The following DENND1A variants were observed in gnomAD, a reference collection of about 807,000 sequenced individuals.
DENND1A encodes DENN domain containing 1A.
In DENND1A, 51 loss-of-function variants were observed where a neutral mutation model predicts 113.7. The ratio of observed to expected loss-of-function variants is 0.45; its 90% CI spans 0.36 to 0.57. The LOEUF is 0.57. DENND1A is among the 20% of genes least tolerant of loss of function. The pLI, the probability that DENND1A is intolerant of heterozygous loss-of-function variation, is 0.00. For synonymous variants in DENND1A, 565 were observed against 570.8 expected (o/e 0.99, Z 0.14); for missense variants, 1,258 against 1,395.9 (o/e 0.90, Z 1.57).
intron 13 of DENND1A, among the ~76,000 whole-genome samples, chr9:123,467,878 C>T (rs1006541177): frequency 4.6e-5 from 7 of 152,184 alleles, no homozygotes; most frequent in Admixed American, 1.3e-4. Context: ...CTCACTCACA[C>T]ACACATCTCC....
intron 3 of DENND1A, among the ~76,000 whole-genome samples, chr9:123,773,572 AG>A (rs1397697628): frequency 6.6e-6 from 1 of 152,228 alleles, no homozygotes; most frequent in African/African-American, 2.4e-5. Flanking sequence ...ATTAATGAGA[AG>A]GCTAGACTAA....
At chr9:123,596,152 T>C (rs2059681116) in intron 11 of DENND1A, among the ~76,000 whole-genome samples, 1 of 152,172 alleles carries the variant, frequency 6.6e-6, no homozygotes, top group Admixed American at 6.5e-5. Context: ...ACCCAGCAGA[T>C]CCTGCTCTTC....
Position 123,422,944 on chromosome 9 carries a change from T to A in DENND1A, c.1489-11115A>T, listed in dbSNP as rs1218276312. Among the ~76,000 whole-genome samples the A allele has an allele frequency of 6.6e-6, 1 of 152,208 alleles. No homozygotes were observed. On this transcript the variant is annotated intron_variant, in intron 19 of 23. Coordinates refer to ENST00000394215, the MANE Select transcript of DENND1A (RefSeq NM_001352964.2). The surrounding 1 kb of genome is among the most constrained non-coding windows in gnomAD (Gnocchi z 4.8). ...ACTGCCTTATTAAACACCGCCAGGA[T>A]CCTAACGAAGACCAACTGCTGGAAA...
intron 6 of DENND1A, 95 bp downstream of exon 6, chr9:123,676,625 T>G (rs2064091851): frequency 8.4e-7 from 1 of 1,188,158 alleles, no homozygotes; most frequent in African/African-American, 1.5e-5. Flanking sequence ...TGGGCATGCA[T>G]CACTTTTTTG....
At chr9:123,818,519 TAC>T (rs1215014185) in intron 2 of DENND1A, among the ~76,000 whole-genome samples, 1,405 of 112,152 alleles carry the variant, frequency 0.013, 29 homozygotes, top group African/African-American at 0.042. Flanking sequence ...TACATACATA[TAC>T]ACACACACAC....
rs995251044 is a variant in DENND1A, at chr9:123,381,175, G to C, written c.*257C>G. On this transcript the variant is annotated 3_prime_UTR_variant, in exon 24 of 24. Coordinates refer to ENST00000394215, the MANE Select transcript of DENND1A (RefSeq NM_001352964.2). This position sits in a 1 kb window ranked among gnomAD's most constrained non-coding sequence, Gnocchi z 4.7. ...CTCTTTAGTGCAAAACCCAATCAAG[G>C]GTGCCGAGGAGAGGCAACCGCGGGG... The C allele has an allele frequency of 1.8e-6, 1 of 542,938 alleles. No individual in the cohort carries two copies. The highest frequency in any genetic ancestry group is 3.2e-5 in the Admixed American group (1 of 30,814). 33.6% of individuals were successfully genotyped at this position (542,938 alleles called of 1,614,324 possible).
chr9:123,488,363 C>T (rs1226397771), intron 13 of DENND1A, among the ~76,000 whole-genome samples: 1 of 152,180 alleles, frequency 6.6e-6, no homozygotes, highest in African/African-American at 2.4e-5. Context: ...TATGTAAAAT[C>T]CAGAATTCAT....
intron 12 of DENND1A, among the ~76,000 whole-genome samples, chr9:123,579,674 T>C (rs1465078556): frequency 1.3e-5 from 2 of 152,182 alleles, no homozygotes; most frequent in African/African-American, 4.8e-5. Flanking sequence ...AACACACAAC[T>C]TTGGCCAAAG....
chr9:123,415,047 G>C (rs2131614197), intron 19 of DENND1A, among the ~76,000 whole-genome samples: 1 of 152,296 alleles, frequency 6.6e-6, no homozygotes, highest in African/African-American at 2.4e-5. Flanking sequence ...TTTTGCAACT[G>C]AATTGATAAA....
At chr9:123,637,967 A>T (rs966970179) in intron 9 of DENND1A, among the ~76,000 whole-genome samples, 2 of 151,552 alleles carry the variant, frequency 1.3e-5, no homozygotes, top group Non-Finnish European at 2.9e-5. Context: ...ACACACACAC[A>T]CACACACCAA....
chr9:123,618,077 G>A (rs1227171499), intron 10 of DENND1A, among the ~76,000 whole-genome samples: 4 of 152,274 alleles, frequency 2.6e-5, no homozygotes, highest in Non-Finnish European at 5.9e-5. Context: ...AAGGGAAGAC[G>A]AACCCGCACT....
At chr9:123,417,772 T>C (rs58818487) in intron 19 of DENND1A, among the ~76,000 whole-genome samples, 11,896 of 152,158 alleles carry the variant, frequency 0.078, 691 homozygotes, top group East Asian at 0.16. Context: ...CATTTGTCCA[T>C]TCATTCAACA....
chr9:123,651,414 A>G (rs750674960), intron 9 of DENND1A, among the ~76,000 whole-genome samples: 11 of 145,932 alleles, frequency 7.5e-5, no homozygotes, highest in South Asian at 2.2e-4. Context: ...ACATGCGCGC[A>G]CACACACACT....
intron 13 of DENND1A, among the ~76,000 whole-genome samples, chr9:123,530,905 T>C (rs2055242116): frequency 6.6e-6 from 1 of 152,246 alleles, no homozygotes; most frequent in Non-Finnish European, 1.5e-5. Flanking sequence ...AAAAGTTATG[T>C]AAATGTGGTC....
At chr9:123,836,348 C>A (rs1841045883) in intron 2 of DENND1A, among the ~76,000 whole-genome samples, 1 of 152,130 alleles carries the variant, frequency 6.6e-6, no homozygotes, top group Non-Finnish European at 1.5e-5. Flanking sequence ...TGAAGGAAAT[C>A]AGGGAGTTCA....
chr9:123,408,612 T>C (rs767524836), intron 20 of DENND1A, among the ~76,000 whole-genome samples: 2 of 152,134 alleles, frequency 1.3e-5, no homozygotes, highest in Non-Finnish European at 2.9e-5. Flanking sequence ...CTAGGAGAGC[T>C]GGTTCTCCTA....
chr9:123,812,712 T>C (rs1052462610), intron 2 of DENND1A, among the ~76,000 whole-genome samples: 14 of 152,314 alleles, frequency 9.2e-5, no homozygotes, highest in African/African-American at 3.1e-4. Flanking sequence ...ATCATAATCT[T>C]TTTAAATGAC....
chr9:123,593,016 A>G (rs1160792318), intron 11 of DENND1A, among the ~76,000 whole-genome samples: 1 of 152,228 alleles, frequency 6.6e-6, no homozygotes, highest in Non-Finnish European at 1.5e-5. Flanking sequence ...CTATAATAGA[A>G]GTGACTCAAT....
chr9:123,507,727 C>T (rs1055424267), intron 13 of DENND1A, among the ~76,000 whole-genome samples: 12 of 150,716 alleles, frequency 8.0e-5, no homozygotes, highest in African/African-American at 2.9e-4. Context: ...TGGTTGCAGA[C>T]TCCTGCAGCC....
Sources: allele counts gnomAD v4.1 joint callset (sites outside exome capture counted in the v4.1 genomes callset), GRCh38; gene constraint gnomAD v4.1.1; non-coding constraint Gnocchi (gnomAD v3.1); transcripts MANE v1.5; gene names NCBI Gene and HGNC (gene_info 2026-07-23, HGNC 2026-07-21).